The following FHL1 variants were observed in gnomAD, a reference collection of about 807,000 sequenced individuals.
FHL1 encodes four and a half LIM domains 1, also known as four and a half LIM domains protein 1.
Under a neutral mutation model 20.3 loss-of-function variants are expected in FHL1, and 1 was observed. The ratio of observed to expected loss-of-function variants is 0.05; its 90% CI spans 0.02 to 0.23. The LOEUF is 0.23. Ranked by LOEUF, FHL1 falls within the 10% of genes least tolerant of loss-of-function variation. The pLI is 1.00. For synonymous variants in FHL1, 82 were observed against 88.9 expected (o/e 0.92, Z 0.44); for missense variants, 177 against 234.0 (o/e 0.76, Z 1.59).
chrX:136,179,466 G>A (rs1049312719), intron 2 of FHL1, among the ~76,000 whole-genome samples: 1 of 111,789 alleles, frequency 8.9e-6, no homozygotes. Flanking sequence ...CCTTACTGGG[G>A]CAATCTAAGG....
chrX:136,193,982 A>G (rs1164661941), upstream of FHL1, among the ~76,000 whole-genome samples: 1 of 107,247 alleles, frequency 9.3e-6, no homozygotes, highest in Admixed American at 1.0e-4. Flanking sequence ...CTGCTTCTTG[A>G]ACACGTCCTG....
chrX:136,193,883 G>A (rs1032561779), upstream of FHL1, among the ~76,000 whole-genome samples: 1 of 109,738 alleles, frequency 9.1e-6, no homozygotes, highest in African/African-American at 3.3e-5. Context: ...AAGATCCTCC[G>A]TGTGTGGCTT....
chrX:136,184,655 C>T (rs2073243283), intron 2 of FHL1, among the ~76,000 whole-genome samples: 1 of 111,128 alleles, frequency 9.0e-6, no homozygotes, highest in Non-Finnish European at 1.9e-5. Flanking sequence ...TCACAAAGAC[C>T]TGCCACTAGA....
chrX:136,169,520 G>GAA (rs397710404), upstream of FHL1: 534 of 196,532 alleles, frequency 2.7e-3, no homozygotes, highest in South Asian at 5.9e-3. Context: ...GAGAGAGAGA[G>GAA]AAAAAAAAAG....
intron 2 of FHL1, among the ~76,000 whole-genome samples, chrX:136,172,422 A>G (rs1237710560): frequency 8.9e-6 from 1 of 112,445 alleles, no homozygotes; most frequent in African/African-American, 3.2e-5. Flanking sequence ...GAAACTGAAA[A>G]TTGCTTTGCT....
intron 2 of FHL1, among the ~76,000 whole-genome samples, chrX:136,188,481 T>C (rs1454652819): frequency 9.0e-6 from 1 of 111,097 alleles, no homozygotes; most frequent in Non-Finnish European, 1.9e-5. Flanking sequence ...CCTATTATGA[T>C]AGGAGGAGAT....
intron 1 of FHL1, among the ~76,000 whole-genome samples, chrX:136,204,499 C>A (rs1316211567): frequency 8.9e-6 from 1 of 112,378 alleles, no homozygotes; most frequent in African/African-American, 3.2e-5. Flanking sequence ...TTGTTTCTAA[C>A]CCATTATATA....
intron 2 of FHL1, among the ~76,000 whole-genome samples, chrX:136,170,823 T>C (rs949457576): frequency 5.4e-5 from 6 of 111,038 alleles, no homozygotes; most frequent in African/African-American, 1.3e-4. Context: ...CCTCAAAAGG[T>C]TGCTGCGTTT....
chrX:136,196,531 A>G (rs2073559203), upstream of FHL1, among the ~76,000 whole-genome samples: 1 of 111,391 alleles, frequency 9.0e-6, no homozygotes, highest in South Asian at 3.8e-4. Context: ...TTTCCTGTAC[A>G]GTAATCTGCT....
At chrX:136,187,063 A>G (rs1163566858) in intron 2 of FHL1, among the ~76,000 whole-genome samples, 1 of 110,422 alleles carries the variant, frequency 9.1e-6, no homozygotes, top group Admixed American at 9.7e-5. Context: ...ATAAATAAAT[A>G]GAACTAGCAA....
In FHL1 at chrX:136,156,940, G is replaced by A. The variant is rs758179164; in HGVS notation, c.-101+9312G>A. On this transcript the variant is annotated intron_variant, in intron 1 of 7. Coordinates refer to the FHL1 transcript ENST00000394155. ...ACCTGCACTTTCGGGTGGCCAGGTGGACTGAAGTAACAGGTTTCCCCCCAG... is the reference window on the plus strand; with the variant it reads ...ACCTGCACTTTCGGGTGGCCAGGTGAACTGAAGTAACAGGTTTCCCCCCAG... Among the ~76,000 whole-genome samples, 4 of 109,521 alleles carry A rather than the reference G, an allele frequency of 3.7e-5. No homozygotes were observed. The East Asian group carries it at 1.2e-3, about 32-fold the overall frequency.
Position 136,210,348 on chromosome X carries a change from A to G in FHL1, c.*323A>G, listed in dbSNP as rs745421236. The G allele has an allele frequency of 2.9e-5, 12 of 410,088 alleles. No homozygotes were observed. Among genetic ancestry groups the G allele is most frequent in the Non-Finnish European group, 3.2e-5 (7 of 221,822 alleles). 33.8% of individuals were successfully genotyped at this position (410,088 alleles called of 1,213,427 possible). On this transcript the variant is annotated 3_prime_UTR_variant, in exon 6 of 6. Coordinates refer to ENST00000370683, the MANE Select transcript of FHL1 (RefSeq NM_001159699.2). ...ATTTAGCCACTTAGTGATGTAAGCA[A>G]GAAGCATAGGAGATAAAACCCCCAC...
Position 136,190,493 on chromosome X carries a change from C to T in FHL1, c.-26-15914C>T, listed in dbSNP as rs192187286. Among the ~76,000 whole-genome samples, 176 of 111,688 alleles carry T rather than the reference C, an allele frequency of 1.6e-3. 1 individual carries two copies. Among genetic ancestry groups the T allele is most frequent in the Middle Eastern group, 4.6e-3 (1 of 216 alleles). On this transcript the variant is annotated intron_variant, in intron 2 of 6. Coordinates refer to the FHL1 transcript ENST00000394153. ...GTTTAATTGAGCAAAGAACGATTCG[C>T]GAATCAGGCGGCCTCTCGAACCAGA...
upstream of FHL1, among the ~76,000 whole-genome samples, chrX:136,193,582 C>T (rs1274887597): frequency 9.0e-6 from 1 of 111,705 alleles, no homozygotes; most frequent in Non-Finnish European, 1.9e-5. Flanking sequence ...AGCTCTGCCT[C>T]CCATATTCCC....
At chrX:136,173,713 T>C (rs1241037281) in intron 2 of FHL1, among the ~76,000 whole-genome samples, 3 of 106,267 alleles carry the variant, frequency 2.8e-5, no homozygotes, top group Non-Finnish European at 5.8e-5. Flanking sequence ...TTTTTTTTTT[T>C]CCTGAGATGG....
At chrX:136,174,634 T>G (rs530589506) in intron 2 of FHL1, among the ~76,000 whole-genome samples, 2 of 112,169 alleles carry the variant, frequency 1.8e-5, no homozygotes, top group East Asian at 5.6e-4. Flanking sequence ...TATTTTGGGT[T>G]GAATCTTCCC....
At chrX:136,165,247 A>T (rs1261192382), upstream of FHL1, among the ~76,000 whole-genome samples, 1 of 112,050 alleles carries the variant, frequency 8.9e-6, no homozygotes, top group Non-Finnish European at 1.9e-5. Context: ...TGGAATTATT[A>T]AAAATGAGGC....
At position 136,210,290 on chromosome X, in the gene FHL1, G is replaced by A; in HGVS notation, c.*265G>A. 2.2e-6 allele frequency: 1 copy of A among 463,476 alleles called. No individual in the cohort carries two copies. Among genetic ancestry groups the A allele is most frequent in the Non-Finnish European group, 3.9e-6 (1 of 256,089 alleles). 38.2% of individuals were successfully genotyped at this position (463,476 alleles called of 1,213,427 possible). A position where few individuals can be genotyped will look rare whatever the true frequency, so the allele number is the denominator to read the frequency against. The stretch of plus-strand genomic sequence containing the variant: ...AAAACTTAGGTAGATTGACTCTTCT[G>A]CATGTTTCTCATAGAGCAGAAAAGT... On this transcript the variant is annotated 3_prime_UTR_variant, in exon 6 of 6. Coordinates refer to ENST00000370683, the MANE Select transcript of FHL1 (RefSeq NM_001159699.2).
chrX:136,209,544 G>A (rs2073948596), intron 5 of FHL1: 3 of 864,426 alleles, frequency 3.5e-6, no homozygotes, highest in Non-Finnish European at 4.9e-6. Flanking sequence ...CTGGGAGGTC[G>A]GTGCGCGTCA....
Sources: allele counts gnomAD v4.1 joint callset (sites outside exome capture counted in the v4.1 genomes callset), GRCh38; gene constraint gnomAD v4.1.1; transcripts MANE v1.5; gene names NCBI Gene and HGNC (gene_info 2026-07-23, HGNC 2026-07-21).